Variants in OPRM1 observed in about 807,000 individuals in gnomAD.
OPRM1 encodes the protein mu-type opioid receptor.
OPRM1 carries 27 observed loss-of-function variants against 31.8 expected under a neutral mutation model. The ratio of observed to expected loss-of-function variants is 0.85; its 90% CI spans 0.63 to 1.17. The LOEUF (loss-of-function observed/expected upper bound fraction) is 1.17. Among genes scored for constraint, OPRM1 ranks in the 50% most tolerant of loss-of-function variants. The pLI, the probability that OPRM1 is intolerant of heterozygous loss-of-function variation, is 0.00. For synonymous variants in OPRM1, 196 were observed against 189.9 expected, an observed-to-expected ratio of 1.03 and a Z score of -0.26; for missense variants, 536 against 511.1, an observed-to-expected ratio of 1.05 and a Z score of -0.47.
At chr6:154,050,934 T>C (rs1298427638) in intron 1 of OPRM1, among the ~76,000 whole-genome samples, 2 of 152,180 alleles carry the variant, frequency 1.3e-5, no homozygotes, top group Non-Finnish European at 2.9e-5. Context: ...AAAATATATA[T>C]TAGCATGTTT....
At chr6:154,199,982 G>C in intron 3 of OPRM1, 1 of 1,614,182 alleles carries the variant, frequency 6.2e-7, no homozygotes, top group Non-Finnish European at 8.5e-7. Context: ...TTCCAGGGAA[G>C]AGAAAGAATA....
At chr6:154,157,242 C>CA (rs1387245480) in intron 3 of OPRM1, 1 of 152,372 alleles carries the variant, frequency 6.6e-6, no homozygotes, top group Non-Finnish European at 1.5e-5. Flanking sequence ...TCCCCCCACC[C>CA]ACGTCTTAGT....
intron 1 of OPRM1, among the ~76,000 whole-genome samples, chr6:154,075,222 T>C (rs1255926167): frequency 6.6e-6 from 1 of 152,180 alleles, no homozygotes; most frequent in Non-Finnish European, 1.5e-5. Context: ...TAAGCCAAAC[T>C]AGCTCTCTTA....
intron 1 of OPRM1, among the ~76,000 whole-genome samples, chr6:154,049,138 C>T (rs990209831): frequency 2.0e-5 from 3 of 152,250 alleles, no homozygotes; most frequent in Middle Eastern, 3.4e-3. Flanking sequence ...TGGTTAACAG[C>T]ACTATAAATC....
chr6:154,184,758 A>G (rs1366177087), intron 3 of OPRM1, among the ~76,000 whole-genome samples: 2 of 152,024 alleles, frequency 1.3e-5, no homozygotes, highest in African/African-American at 4.8e-5. Flanking sequence ...GGAAATCTTT[A>G]TTTTTTCTTG....
At chr6:154,108,040 T>C (rs1254252232) in intron 3 of OPRM1, 17 of 663,054 alleles carry the variant, frequency 2.6e-5, no homozygotes, top group Non-Finnish European at 4.5e-5. Flanking sequence ...GAAATCTGAC[T>C]GGTAAGAAAT....
chr6:154,044,000 T>C (rs1780601641), intron 1 of OPRM1, among the ~76,000 whole-genome samples: 1 of 152,148 alleles, frequency 6.6e-6, no homozygotes, highest in Non-Finnish European at 1.5e-5. Flanking sequence ...TATATTCTTC[T>C]CTCTCTCTTT....
chr6:154,093,571 TC>T, intron 3 of OPRM1: 4 of 1,508,656 alleles, frequency 2.7e-6, no homozygotes, highest in Non-Finnish European at 3.5e-6. Context: ...GGAGTTCTGT[TC>T]CAAGTAACTA....
At chr6:154,191,011 G>A (rs774627052) in intron 3 of OPRM1, among the ~76,000 whole-genome samples, 18 of 152,000 alleles carry the variant, frequency 1.2e-4, no homozygotes, top group Non-Finnish European at 2.4e-4. Flanking sequence ...AGCCGAGATC[G>A]CGCCACTGCA....
chr6:154,046,475 C>A (rs988927873), intron 1 of OPRM1, among the ~76,000 whole-genome samples: 3 of 152,176 alleles, frequency 2.0e-5, no homozygotes, highest in South Asian at 2.1e-4. Flanking sequence ...TCCTGCCACT[C>A]CCTTTTCCAT....
chr6:154,229,346 GTTTT>G (rs34462600), intron 3 of OPRM1, among the ~76,000 whole-genome samples: 25 of 112,636 alleles, frequency 2.2e-4, no homozygotes, highest in African/African-American at 8.6e-4. Context: ...AAGTTTGCCG[GTTTT>G]TTTTTTTTTT....
rs74625180 is a variant in OPRM1 at position 154,131,276 on chromosome 6, G to A, written c.*12555G>A. ...TTGTAAAGAATCTGAGTAAATGAGA[G>A]CCTCTCATGGTTGATTAAGTTCAGA... On this transcript the variant is annotated 3_prime_UTR_variant, in exon 4 of 4. Transcript: ENST00000330432. Among the ~76,000 whole-genome samples the A allele has an allele frequency of 9.9e-4, 150 of 152,282 alleles. No homozygotes were observed. The highest frequency in any genetic ancestry group is 3.5e-3 in the African/African-American group (147 of 41,552).
rs182484948 is a variant in OPRM1, at chr6:154,104,418, C to G, written c.1164+12946C>G. Among the ~76,000 whole-genome samples the G allele has an allele frequency of 8.5e-5, 13 of 152,318 alleles. No individual in the cohort carries two copies. The East Asian group carries it at 2.5e-3, about 29-fold the overall frequency. On this transcript the variant is annotated intron_variant, in intron 3 of 3. Coordinates refer to ENST00000330432, the MANE Select transcript of OPRM1 (RefSeq NM_000914.5). ...TTCATAAACTGGACAACTGTTGGAA[C>G]TAAGCTGATATGGGGTTGTTAGCTG...
intron 3 of OPRM1, among the ~76,000 whole-genome samples, chr6:154,137,810 T>C (rs1798096277): frequency 6.6e-6 from 1 of 152,116 alleles, no homozygotes; most frequent in Admixed American, 6.5e-5. Flanking sequence ...AATCAATGGA[T>C]AGGACAAGAG....
At chr6:154,062,544 C>T (rs1163411797) in intron 1 of OPRM1, among the ~76,000 whole-genome samples, 1 of 151,934 alleles carries the variant, frequency 6.6e-6, no homozygotes, top group African/African-American at 2.4e-5. Flanking sequence ...AAGGAAAATA[C>T]CTTCCAAAAA....
intron 1 of OPRM1, among the ~76,000 whole-genome samples, chr6:154,023,084 A>T (rs1363936088): frequency 1.3e-5 from 2 of 152,190 alleles, no homozygotes; most frequent in Non-Finnish European, 2.9e-5. Context: ...TCTTTCTGTG[A>T]AGAATGTCAT....
chr6:154,018,959 AT>A (rs1191796167), intron 1 of OPRM1, among the ~76,000 whole-genome samples: 1 of 151,308 alleles, frequency 6.6e-6, no homozygotes, highest in Non-Finnish European at 1.5e-5. Flanking sequence ...ACTTTTTTTT[AT>A]TTTTTAATTT....
At chr6:154,029,020 G>T (rs1778860889) in intron 1 of OPRM1, among the ~76,000 whole-genome samples, 1 of 152,118 alleles carries the variant, frequency 6.6e-6, no homozygotes, top group Non-Finnish European at 1.5e-5. Flanking sequence ...AATTGCTGGA[G>T]CCTTTTATTC....
At chr6:154,233,123 C>T (rs1779853205) in intron 3 of OPRM1, among the ~76,000 whole-genome samples, 1 of 152,066 alleles carries the variant, frequency 6.6e-6, no homozygotes, top group African/African-American at 2.4e-5. Flanking sequence ...CATGTGCCGC[C>T]ACGCCCAGCT....
Sources: allele counts gnomAD v4.1 joint callset (sites outside exome capture counted in the v4.1 genomes callset), GRCh38; gene constraint gnomAD v4.1.1; transcripts MANE v1.5; gene names NCBI Gene and HGNC (gene_info 2026-07-23, HGNC 2026-07-21).